Variants in RBPMS observed in about 807,000 individuals in gnomAD.
RBPMS encodes the protein RNA-binding protein with multiple splicing.
A neutral mutation model predicts 26.8 loss-of-function variants in RBPMS; 7 were observed. That is an observed-to-expected ratio of 0.26 (90% CI 0.15 to 0.49). The LOEUF is 0.49. Among genes scored for constraint, RBPMS ranks in the 20% least tolerant of loss-of-function variants. The probability of loss-of-function intolerance (pLI) is 0.98; values close to 1 mark genes in which losing one functional copy is unlikely to be tolerated. For missense variants in RBPMS, 186 were observed against 250.0 expected, an observed-to-expected ratio of 0.74 and a Z score of 1.73; for synonymous variants, 96 against 93.3, an observed-to-expected ratio of 1.03 and a Z score of -0.17.
At chr8:30,566,630 TG>T (rs1023113660) in intron 8 of RBPMS, among the ~76,000 whole-genome samples, 10 of 152,264 alleles carry the variant, frequency 6.6e-5, no homozygotes, top group Non-Finnish European at 2.9e-5. Flanking sequence ...CATGAACATC[TG>T]GCTGTCCAGT....
At chr8:30,529,081 G>A (rs1314994285) in intron 5 of RBPMS, among the ~76,000 whole-genome samples, 2 of 151,926 alleles carry the variant, frequency 1.3e-5, no homozygotes, top group Admixed American at 6.6e-5. Flanking sequence ...TTAGCCAAGT[G>A]TGGTGGCATG....
chr8:30,504,370 G>T lies in RBPMS; in HGVS notation c.331G>T (p.Val111Leu). 1 of 1,614,188 alleles carries T rather than the reference G, an allele frequency of 6.2e-7. No homozygotes were observed. Among genetic ancestry groups the T allele is most frequent in the Non-Finnish European group, 8.5e-7 (1 of 1,179,982 alleles). Residue 111 changes from valine (V) to leucine (L), a missense_variant, in exon 5 of 9, where the codon GTA becomes TTA. This residue lies in a region of RBPMS where 98 missense variants were observed against 113.6 expected (regional missense o/e 0.86). Coordinates refer to ENST00000397323, the MANE Select transcript of RBPMS (RefSeq NM_001008710.3). ...CACGAAGATGGCCAAGAACAAACTC[G>T]TAGGGACTCCAAACCCCAGTACTCC... Reference protein sequence around the residue: ...ANTKMAKNKLVGTPNPSTPLP... With the variant: ...ANTKMAKNKLLGTPNPSTPLP...
At chr8:30,519,028 A>G (rs1822702595) in intron 5 of RBPMS, among the ~76,000 whole-genome samples, 1 of 152,142 alleles carries the variant, frequency 6.6e-6, no homozygotes, top group African/African-American at 2.4e-5. Context: ...TGTTTGCAAA[A>G]GAAACACTGC....
chr8:30,385,082 G>A lies in RBPMS; in HGVS notation c.-11G>A. On this transcript the variant is annotated 5_prime_UTR_variant, in exon 1 of 9. Coordinates refer to ENST00000397323, the MANE Select transcript of RBPMS (RefSeq NM_001008710.3). ...CAGCCCTGCCCGGCCCGGCGAGGAA[G>A]GACCGGGAAGATGAACAACGGCGGC... 6.6e-7 allele frequency: 1 copy of A among 1,513,474 alleles called. No individual in the cohort carries two copies. The highest frequency in any genetic ancestry group is 8.8e-7 in the Non-Finnish European group (1 of 1,131,110). 93.8% of individuals were successfully genotyped at this position (1,513,474 alleles called of 1,614,324 possible). A position where few individuals can be genotyped will look rare whatever the true frequency, so the allele number is the denominator to read the frequency against.
intron 1 of RBPMS, among the ~76,000 whole-genome samples, chr8:30,451,901 T>A (rs182938657): frequency 8.7e-4 from 132 of 152,272 alleles, no homozygotes; most frequent in Non-Finnish European, 1.7e-3. Context: ...ATATAATGAT[T>A]GTGTTTCTTT....
chr8:30,569,043 G>A (rs1451055607), intron 8 of RBPMS, among the ~76,000 whole-genome samples: 2 of 151,764 alleles, frequency 1.3e-5, no homozygotes, highest in Non-Finnish European at 2.9e-5. Context: ...GGGAAGCTGC[G>A]TGGTTCATTA....
chr8:30,505,363 T>C (rs1049886755), intron 5 of RBPMS, among the ~76,000 whole-genome samples: 11 of 152,204 alleles, frequency 7.2e-5, no homozygotes, highest in African/African-American at 4.8e-5. Flanking sequence ...CTTATTGAAA[T>C]TGAAGGACAC....
chr8:30,479,801 A>G (rs1167915302), intron 4 of RBPMS, among the ~76,000 whole-genome samples: 1 of 106,610 alleles, frequency 9.4e-6, no homozygotes, highest in Non-Finnish European at 1.9e-5. Context: ...TTCCTTTTAG[A>G]TATGCAGCAT....
At chr8:30,463,477 T>G (rs1816171948) in intron 1 of RBPMS, among the ~76,000 whole-genome samples, 1 of 152,226 alleles carries the variant, frequency 6.6e-6, no homozygotes, top group African/African-American at 2.4e-5. Context: ...TAAAATATTA[T>G]CACAACATGA....
chr8:30,428,680 C>G lies in RBPMS; in HGVS notation c.66+43522C>G, dbSNP rs1811620902. On this transcript the variant is annotated intron_variant, in intron 1 of 8. Transcript: ENST00000397323. ...GCTCCCAGAGAGGTTCGGTAGGACA[C>G]TCTATAATCTACTGTTCATTTCCTT... Among the ~76,000 whole-genome samples, 2 of 152,048 alleles carry G rather than the reference C, an allele frequency of 1.3e-5. 1 individual carries two copies. The highest frequency in any genetic ancestry group is 4.2e-4 in the South Asian group (2 of 4,818).
chr8:30,419,880 A>G (rs1053920029), intron 1 of RBPMS, among the ~76,000 whole-genome samples: 1 of 152,206 alleles, frequency 6.6e-6, no homozygotes, highest in African/African-American at 2.4e-5. Flanking sequence ...CAGCAATGAA[A>G]AACAAATTTG....
intron 1 of RBPMS, among the ~76,000 whole-genome samples, chr8:30,432,460 T>C (rs535171112): frequency 3.3e-5 from 5 of 152,364 alleles, no homozygotes; most frequent in African/African-American, 4.8e-5. Context: ...TCTGTGTCCC[T>C]TGAGGATGTT....
At chr8:30,433,879 T>G (rs549129643) in intron 1 of RBPMS, among the ~76,000 whole-genome samples, 1 of 152,348 alleles carries the variant, frequency 6.6e-6, no homozygotes, top group East Asian at 1.9e-4. Flanking sequence ...ATCTAATTGA[T>G]GAATTTCAAA....
chr8:30,448,715 G>T (rs560952354), intron 1 of RBPMS, among the ~76,000 whole-genome samples: 12 of 152,316 alleles, frequency 7.9e-5, no homozygotes, highest in African/African-American at 1.4e-4. Context: ...TTCTAGTTAT[G>T]TTGAACCAAG....
intron 1 of RBPMS, among the ~76,000 whole-genome samples, chr8:30,452,750 T>C (rs1376595240): frequency 1.3e-5 from 2 of 152,228 alleles, no homozygotes; most frequent in Non-Finnish European, 2.9e-5. Flanking sequence ...CAATTAGCTT[T>C]AGCTCAAAAC....
In RBPMS at chr8:30,482,127, A is replaced by C. The variant is rs185947488; in HGVS notation, c.246+2750A>C. 1.3e-3 allele frequency among the ~76,000 whole-genome samples: 200 copies of C among 152,344 alleles called. 2 individuals carry two copies. Among genetic ancestry groups the C allele is most frequent in the South Asian group, 0.012 (58 of 4,824 alleles). ...CAGACCCATTCAAGGTAATGTATTT[A>C]GTCATGAAGCTAATAGGTATATTCT... On this transcript the variant is annotated intron_variant, in intron 4 of 8. Transcript: ENST00000397323.
At chr8:30,519,492 T>A (rs963113026) in intron 5 of RBPMS, among the ~76,000 whole-genome samples, 1 of 26,012 alleles carries the variant, frequency 3.8e-5, no homozygotes, top group African/African-American at 1.4e-4. Flanking sequence ...TTTTTTTTTT[T>A]TTTTTTTTGG....
chr8:30,437,617 C>T (rs184022750), intron 1 of RBPMS, among the ~76,000 whole-genome samples: 1 of 152,072 alleles, frequency 6.6e-6, no homozygotes, highest in Non-Finnish European at 1.5e-5. Context: ...ATGGCAAAAC[C>T]CTGTCGCTAC....
chr8:30,456,816 G>A (rs1431151258), intron 1 of RBPMS, among the ~76,000 whole-genome samples: 5 of 152,176 alleles, frequency 3.3e-5, no homozygotes, highest in Non-Finnish European at 7.4e-5. Flanking sequence ...AGCTACTTGG[G>A]AGGCTGAGGC....
Sources: allele counts gnomAD v4.1 joint callset (sites outside exome capture counted in the v4.1 genomes callset), GRCh38; gene constraint gnomAD v4.1.1; regional missense constraint gnomAD v4.1.1; transcripts MANE v1.5; gene names NCBI Gene and HGNC (gene_info 2026-07-23, HGNC 2026-07-21).